STIM1: variants seen among roughly 807,000 people sequenced by gnomAD.
The protein encoded by STIM1 is stromal interaction molecule 1.
Under a neutral mutation model 74.7 loss-of-function variants are expected in STIM1, and 25 were observed. The observed-to-expected ratio is 0.33, with a 90% CI of 0.24 to 0.47. STIM1 has a LOEUF of 0.47. Ranked by LOEUF, STIM1 falls within the 20% of genes least tolerant of loss-of-function variation. The pLI is 1.00. For synonymous variants in STIM1, 328 were observed against 348.8 expected, an observed-to-expected ratio of 0.94 and a Z score of 0.66; for missense variants, 728 against 920.8, an observed-to-expected ratio of 0.79 and a Z score of 2.71.
chr11:3,992,100 T>G (rs2093621376), intron 2 of STIM1, among the ~76,000 whole-genome samples: 1 of 138,886 alleles, frequency 7.2e-6, no homozygotes, highest in Non-Finnish European at 1.6e-5. Context: ...TTTTTTTTTT[T>G]TTTTTTTTTT....
chr11:4,078,763 G>T (rs190928935), intron 7 of STIM1, among the ~76,000 whole-genome samples: 2 of 151,534 alleles, frequency 1.3e-5, no homozygotes, highest in African/African-American at 4.8e-5. Flanking sequence ...TAGAGAAGGG[G>T]TTTCACCATG....
chr11:3,878,961 T>C (rs2091399698), intron 1 of STIM1, among the ~76,000 whole-genome samples: 2 of 151,208 alleles, frequency 1.3e-5, no homozygotes, highest in East Asian at 3.9e-4. Flanking sequence ...TCTTCATACC[T>C]CTTTTTTTTT....
At chr11:4,001,903 A>AT (rs1255011157) in intron 2 of STIM1, among the ~76,000 whole-genome samples, 4 of 137,550 alleles carry the variant, frequency 2.9e-5, no homozygotes, top group Non-Finnish European at 6.2e-5. Context: ...TCTACCAAGC[A>AT]AATGGAAAAC....
intron 3 of STIM1, among the ~76,000 whole-genome samples, chr11:4,045,576 A>T (rs2133024175): frequency 6.6e-6 from 1 of 151,516 alleles, no homozygotes; most frequent in South Asian, 2.1e-4. Context: ...CAGCCTCCTG[A>T]GTAGCTAGGA....
intron 1 of STIM1, among the ~76,000 whole-genome samples, chr11:3,963,391 A>G (rs546507638): frequency 3.9e-5 from 6 of 152,276 alleles, no homozygotes; most frequent in Non-Finnish European, 8.8e-5. Flanking sequence ...CTCCATCTCC[A>G]TTCATGTCCC....
At chr11:3,927,421 C>T (rs147246948) in intron 1 of STIM1, among the ~76,000 whole-genome samples, 1 of 152,242 alleles carries the variant, frequency 6.6e-6, no homozygotes, top group East Asian at 1.9e-4. Flanking sequence ...TAGGTGAATC[C>T]AGTGTTTTGT....
At chr11:4,000,481 G>A (rs937828995) in intron 2 of STIM1, among the ~76,000 whole-genome samples, 1 of 152,056 alleles carries the variant, frequency 6.6e-6, no homozygotes, top group Non-Finnish European at 1.5e-5. Context: ...AACAGGGTCT[G>A]GAGTGGACCT....
Position 4,083,324 on chromosome 11 carries a change from G to A in STIM1, c.1300G>A (p.Glu434Lys), listed in dbSNP as rs1367717016. 1.9e-6 allele frequency: 3 copies of A among 1,614,132 alleles called. No individual in the cohort carries two copies. Among genetic ancestry groups the A allele is most frequent in the Non-Finnish European group, 2.5e-6 (3 of 1,180,048 alleles). ...RERLHRWQQI[E>K]ILCGFQIVNN... ...GCGCCTGCACCGCTGGCAACAGATCGAGATCCTCTGTGGCTTCCAGATTGT... is the reference window on the plus strand; with the variant it reads ...GCGCCTGCACCGCTGGCAACAGATCAAGATCCTCTGTGGCTTCCAGATTGT... Residue 434 changes from glutamate to lysine, a missense_variant, in exon 10 of 13, where the codon GAG (glutamate) becomes AAG (lysine). By Grantham distance (56) the Glu-to-Lys change is moderately conservative. Transcript: ENST00000526596.
At position 3,855,883 on chromosome 11, in the gene STIM1, C is replaced by CTCTCTTCTCT. The variant is rs3061890; in HGVS notation, c.-375_-366dup. On this transcript the variant is annotated 5_prime_UTR_variant, in exon 1 of 13. Transcript: ENST00000526596. ...GCGAGGTCAGGTGCCCCCTTCTCGC[C>CTCTCTTCTCT]TCTCTTCTCTTCTCTTCTCTTCCTC... 1 of 237,080 alleles carries CTCTCTTCTCT rather than the reference C, an allele frequency of 4.2e-6. No individual in the cohort carries two copies. Among genetic ancestry groups the CTCTCTTCTCT allele is most frequent in the African/African-American group, 2.3e-5 (1 of 43,834 alleles). The allele number at this position is 237,080 out of a possible 1,614,324, so 14.7% of individuals were successfully genotyped here. A position where few individuals can be genotyped will look rare whatever the true frequency, so the allele number is the denominator to read the frequency against.
chr11:4,048,535 C>A (rs960775775), intron 3 of STIM1, among the ~76,000 whole-genome samples: 3 of 151,986 alleles, frequency 2.0e-5, no homozygotes, highest in Admixed American at 2.0e-4. Context: ...CTCATTCCTC[C>A]CACCATTTTT....
At chr11:4,001,277 A>C (rs1367777310) in intron 2 of STIM1, among the ~76,000 whole-genome samples, 1 of 151,670 alleles carries the variant, frequency 6.6e-6, no homozygotes, top group Non-Finnish European at 1.5e-5. Context: ...TCCAAGACAC[A>C]TAATTGTCAG....
Position 3,922,695 on chromosome 11 carries a change from G to GT in STIM1, c.140-44856dup, listed in dbSNP as rs1387291481. ...GTAGCTGGTGATTGGAAGACACTCT[G>GT]TGACAGCGTTCAGTCCCTGGGCAGG... On this transcript the variant is annotated intron_variant, in intron 1 of 12. Coordinates refer to ENST00000526596, the MANE Select transcript of STIM1 (RefSeq NM_001382567.1). 7 of 198,908 alleles carry GT rather than the reference G, an allele frequency of 3.5e-5. No homozygotes were observed. In the East Asian group the frequency reaches 8.0e-4, roughly 23 times the overall value. 12.3% of individuals were successfully genotyped at this position (198,908 alleles called of 1,614,324 possible).
chr11:4,057,432 T>C (rs1265075000), intron 4 of STIM1, among the ~76,000 whole-genome samples: 1 of 152,082 alleles, frequency 6.6e-6, no homozygotes, highest in Non-Finnish European at 1.5e-5. Context: ...TGGGGTGAAG[T>C]GAGGGTGGTT....
At chr11:3,901,108 T>C (rs534409046) in intron 1 of STIM1, among the ~76,000 whole-genome samples, 1 of 152,268 alleles carries the variant, frequency 6.6e-6, no homozygotes, top group East Asian at 1.9e-4. Flanking sequence ...GGAGAATTGC[T>C]TGAACCCAGG....
At chr11:4,008,636 G>A (rs758898582) in intron 2 of STIM1, among the ~76,000 whole-genome samples, 6 of 152,222 alleles carry the variant, frequency 3.9e-5, no homozygotes, top group Admixed American at 1.3e-4. Flanking sequence ...AGCTCAGGGT[G>A]CAAGGTGGGC....
At chr11:4,089,815 T>C (rs1449014031) in intron 12 of STIM1, among the ~76,000 whole-genome samples, 1 of 152,224 alleles carries the variant, frequency 6.6e-6, no homozygotes, top group Non-Finnish European at 1.5e-5. Flanking sequence ...TCCTTTTCCA[T>C]TCATGACTCT....
chr11:3,925,106 T>A (rs1258020057), intron 1 of STIM1, among the ~76,000 whole-genome samples: 1 of 152,194 alleles, frequency 6.6e-6, no homozygotes, highest in African/African-American at 2.4e-5. Context: ...TTTAAAAATA[T>A]TGCTTTCCAG....
chr11:3,889,786 G>A (rs1462878763), intron 1 of STIM1, among the ~76,000 whole-genome samples: 1 of 152,096 alleles, frequency 6.6e-6, no homozygotes, highest in Non-Finnish European at 1.5e-5. Flanking sequence ...GCTAGTCTGA[G>A]TCTTTTCAAA....
chr11:3,894,928 T>TTTC (rs869306500), intron 1 of STIM1, among the ~76,000 whole-genome samples: 2 of 149,472 alleles, frequency 1.3e-5, no homozygotes, highest in Non-Finnish European at 1.5e-5. Flanking sequence ...TTTTTTTTTT[T>TTTC]AGTAGAGACA....
Sources: allele counts gnomAD v4.1 joint callset (sites outside exome capture counted in the v4.1 genomes callset), GRCh38; gene constraint gnomAD v4.1.1; transcripts MANE v1.5; gene names NCBI Gene and HGNC (gene_info 2026-07-23, HGNC 2026-07-21).